CDH2: variants seen among roughly 807,000 people sequenced by gnomAD.
CDH2 encodes cadherin 2, also known as cadherin-2.
In CDH2, 17 loss-of-function variants were observed where a neutral mutation model predicts 92.0. The ratio of observed to expected loss-of-function variants is 0.18; its 90% CI spans 0.13 to 0.28. CDH2 has a LOEUF of 0.28. Ranked by LOEUF, CDH2 falls within the 10% of genes least tolerant of loss-of-function variation. The probability of loss-of-function intolerance (pLI) is 1.00; values close to 1 mark genes in which losing one functional copy is unlikely to be tolerated. For missense variants in CDH2, 862 were observed against 1,133.1 expected (o/e 0.76, Z 3.44); for synonymous variants, 419 against 415.9 (o/e 1.01, Z -0.09).
At chr18:27,935,221 T>C (rs1436705741) in intron 6 of CDH2, among the ~76,000 whole-genome samples, 2 of 152,210 alleles carry the variant, frequency 1.3e-5, no homozygotes, top group Non-Finnish European at 2.9e-5. Context: ...AGAGGCTTAA[T>C]TGGCTCACAG....
At chr18:27,978,757 G>A (rs1178454565) in intron 14 of CDH2, among the ~76,000 whole-genome samples, 2 of 151,942 alleles carry the variant, frequency 1.3e-5, no homozygotes, top group Admixed American at 6.5e-5. Flanking sequence ...GGCTCAAGCA[G>A]TCCTCCTATC....
intron 2 of CDH2, among the ~76,000 whole-genome samples, chr18:28,065,659 C>T (rs576565918): frequency 6.6e-6 from 1 of 152,254 alleles, no homozygotes. Flanking sequence ...GCCCAGAGTC[C>T]TGACTTTGTA....
downstream of CDH2, among the ~76,000 whole-genome samples, chr18:27,947,170 G>T (rs1208505876): frequency 2.0e-5 from 3 of 151,444 alleles, no homozygotes; most frequent in African/African-American, 7.3e-5. Flanking sequence ...TCGCCAAAAA[G>T]CTATTAAAAG....
chr18:28,107,087 A>G (rs1599105835), intron 2 of CDH2, among the ~76,000 whole-genome samples: 1 of 152,250 alleles, frequency 6.6e-6, no homozygotes, highest in Non-Finnish European at 1.5e-5. Flanking sequence ...AAAATATACT[A>G]CTATAGTCCA....
Position 28,011,952 on chromosome 18 carries a change from A to G in CDH2, c.440T>C (p.Phe147Ser), listed in dbSNP as rs1352509680. ...TTGTAGGTGGCCACTGTGCTTACTGAATTGTCTTGGGAACACTATTTCTTC... is the reference window on the plus strand; with the variant it reads ...TTGTAGGTGGCCACTGTGCTTACTGGATTGTCTTGGGAACACTATTTCTTC... ...EVEEIVFPRQ[F>S]SKHSGHLQRQ... Residue 147 changes from phenylalanine to serine, a missense_variant, in exon 4 of 16, where the codon TTC (phenylalanine) becomes TCC (serine). Phe to Ser is a radical substitution (Grantham distance 155). Coordinates refer to ENST00000269141, the MANE Select transcript of CDH2 (RefSeq NM_001792.5). 6.2e-7 allele frequency: 1 copy of G among 1,613,910 alleles called. No individual in the cohort carries two copies. Among genetic ancestry groups the G allele is most frequent in the South Asian group, 1.1e-5 (1 of 91,070 alleles).
At chr18:28,065,590 G>A (rs1028881266) in intron 2 of CDH2, among the ~76,000 whole-genome samples, 1 of 152,184 alleles carries the variant, frequency 6.6e-6, no homozygotes, top group South Asian at 2.1e-4. Flanking sequence ...TGATAATCCA[G>A]TCATTGTCAA....
chr18:27,999,619 C>T (rs917928087), intron 7 of CDH2, among the ~76,000 whole-genome samples: 1 of 151,846 alleles, frequency 6.6e-6, no homozygotes, highest in South Asian at 2.1e-4. Context: ...ATTTATTAGG[C>T]ACTGTGCTGA....
chr18:28,004,900 T>C (rs1455870859), intron 6 of CDH2, among the ~76,000 whole-genome samples: 2 of 152,166 alleles, frequency 1.3e-5, no homozygotes, highest in Admixed American at 6.5e-5. Context: ...AGAAAATGTA[T>C]GTGTTTGAGG....
Position 27,963,417 on chromosome 18 carries a change from G to C in CDH2, c.2454C>G (p.Pro818=). The C allele has an allele frequency of 6.2e-7, 1 of 1,614,008 alleles. No homozygotes were observed. Among genetic ancestry groups the C allele is most frequent in the Non-Finnish European group, 8.5e-7 (1 of 1,180,010 alleles). The change falls in exon 15 of 16, where the codon CCC becomes CCG. Residue 818 remains proline, a synonymous_variant. Coordinates refer to ENST00000269141, the MANE Select transcript of CDH2 (RefSeq NM_001792.5). ...GGGCTGCAGATCGGACCGGATACTG[G>C]GGCTCGGCGTGGATGGGTCTTTCAT... ...RMDERPIHAE[P]QYPVRSAAPH...
chr18:28,090,233 T>C (rs183913907), intron 2 of CDH2, among the ~76,000 whole-genome samples: 1 of 152,346 alleles, frequency 6.6e-6, no homozygotes, highest in East Asian at 1.9e-4. Flanking sequence ...TATAAACTAC[T>C]TTGAATTCAC....
chr18:28,014,951 TA>T (rs2013201825), intron 2 of CDH2, among the ~76,000 whole-genome samples: 1 of 151,712 alleles, frequency 6.6e-6, no homozygotes, highest in African/African-American at 2.4e-5. Flanking sequence ...AGGGATCAAA[TA>T]AAAAATGATT....
At chr18:28,049,338 A>G (rs2144123433) in intron 2 of CDH2, among the ~76,000 whole-genome samples, 1 of 152,346 alleles carries the variant, frequency 6.6e-6, no homozygotes, top group South Asian at 2.1e-4. Flanking sequence ...TGGTTGCGAT[A>G]TGGCTATTTC....
intron 15 of CDH2, among the ~76,000 whole-genome samples, chr18:27,956,437 A>C (rs2011248269): frequency 1.3e-5 from 2 of 152,130 alleles, no homozygotes; most frequent in South Asian, 2.1e-4. Context: ...TGCTTTTATG[A>C]GGATAAAAAC....
intron 14 of CDH2, among the ~76,000 whole-genome samples, chr18:27,981,395 G>T (rs571240163): frequency 7.1e-4 from 108 of 152,192 alleles, no homozygotes; most frequent in African/African-American, 2.5e-3. Flanking sequence ...ACACCCTAAG[G>T]TATATTTATA....
chr18:28,013,556 G>A, intron 3 of CDH2, 127 bp downstream of exon 3: 1 of 700,368 alleles, frequency 1.4e-6, no homozygotes, highest in African/African-American at 1.8e-5. Flanking sequence ...TTATTAAAAT[G>A]ACCAAAGTTG....
intron 11 of CDH2, among the ~76,000 whole-genome samples, chr18:27,987,763 A>G (rs1053614896): frequency 2.0e-5 from 3 of 152,174 alleles, no homozygotes; most frequent in African/African-American, 7.2e-5. Context: ...TTAGGTGCTG[A>G]TACGTATCTA....
At chr18:28,084,666 T>G (rs2014893714) in intron 2 of CDH2, among the ~76,000 whole-genome samples, 2 of 152,004 alleles carry the variant, frequency 1.3e-5, no homozygotes, top group South Asian at 2.1e-4. Context: ...GCTAAACAAC[T>G]GTTTCTTCCA....
Position 28,029,384 on chromosome 18 carries a change from T to C in CDH2, c.173-15475A>G, listed in dbSNP as rs530357246. ...ATGCCAGTTATTTTTATTTAGAAAT[T>C]ACATTTTATGCTTACTAAATTTTTA... On this transcript the variant is annotated intron_variant, in intron 2 of 15. Coordinates refer to ENST00000269141, the MANE Select transcript of CDH2 (RefSeq NM_001792.5). Among the ~76,000 whole-genome samples the C allele has an allele frequency of 2.0e-3, 306 of 152,226 alleles. 1 individual carries two copies. Among genetic ancestry groups the C allele is most frequent in the African/African-American group, 7.0e-3 (292 of 41,550 alleles).
rs1381471055 is a variant in CDH2 at position 27,973,225 on chromosome 18, TAAAAAAATCAACTTCATTG to T, written c.2349+9700_2350-9705del. On this transcript the variant is annotated intron_variant, in intron 14 of 15. Transcript: ENST00000269141. The stretch of plus-strand genomic sequence containing the variant: ...TTGAAACTAATTTCCACAACTCACA[TAAAAAAATCAACTTCATTG>T]AAAAAAAGTCAGTGGACACTCATAT... Among the ~76,000 whole-genome samples, 68 of 151,874 alleles carry T rather than the reference TAAAAAAATCAACTTCATTG, an allele frequency of 4.5e-4. 1 individual carries two copies. The highest frequency in any genetic ancestry group is 1.6e-3 in the African/African-American group (65 of 41,402).
Sources: gnomAD v4.1 joint callset for allele counts (sites outside exome capture counted in the v4.1 genomes callset) on GRCh38, gnomAD v4.1.1 for gene constraint, MANE v1.5 for transcripts, NCBI Gene and HGNC (gene_info 2026-07-23, HGNC 2026-07-21) for gene names.